TEX9: variants seen among roughly 807,000 people sequenced by gnomAD.
TEX9 encodes testis-expressed protein 9.
TEX9 carries 74 observed loss-of-function variants against 59.6 expected under a neutral mutation model. The ratio of observed to expected loss-of-function variants is 1.24; its 90% CI spans 1.03 to 1.51. The LOEUF is 1.51. Among genes scored for constraint, TEX9 ranks in the 40% most tolerant of loss-of-function variants. TEX9 has a pLI of 0.00. For synonymous variants in TEX9, 186 were observed against 152.2 expected (o/e 1.22, Z -1.64); for missense variants, 522 against 447.8 (o/e 1.17, Z -1.49).
At chr15:56,278,980 C>G (rs1227615104) in intron 1 of TEX9, among the ~76,000 whole-genome samples, 5 of 152,224 alleles carry the variant, frequency 3.3e-5, no homozygotes, top group African/African-American at 9.6e-5. Flanking sequence ...CTACATTACT[C>G]TAATGTCTTT....
chr15:56,257,093 C>G (rs2044161288), intron 1 of TEX9, among the ~76,000 whole-genome samples: 1 of 152,008 alleles, frequency 6.6e-6, no homozygotes, highest in African/African-American at 2.4e-5. Flanking sequence ...CCAGCTCCAT[C>G]CATGTCCCAG....
chr15:56,300,304 G>A (rs1407638670), intron 1 of TEX9, among the ~76,000 whole-genome samples: 1 of 151,910 alleles, frequency 6.6e-6, no homozygotes, highest in African/African-American at 2.4e-5. Context: ...GGAAGAGTGA[G>A]AAGGACATTG....
chr15:56,437,061 C>G (rs1207942116), intron 12 of TEX9, among the ~76,000 whole-genome samples: 1 of 152,144 alleles, frequency 6.6e-6, no homozygotes, highest in African/African-American at 2.4e-5. Context: ...TGAAACTATT[C>G]CAATCAATAG....
chr15:56,370,533 C>G (rs2047147477), intron 2 of TEX9, among the ~76,000 whole-genome samples: 1 of 152,112 alleles, frequency 6.6e-6, no homozygotes, highest in Non-Finnish European at 1.5e-5. Context: ...TTCTAGATGG[C>G]CAGCTTTTCC....
the TEX9 span, among the ~76,000 whole-genome samples, chr15:56,454,248 A>T: frequency 6.6e-6 from 1 of 152,178 alleles, no homozygotes; most frequent in Admixed American, 6.5e-5. Flanking sequence ...ATTTGTATAT[A>T]TTTATGGGGT....
intron 1 of TEX9, chr15:56,249,261 C>G (rs1468036688): frequency 1.3e-5 from 2 of 152,130 alleles, no homozygotes; most frequent in African/African-American, 4.8e-5. Flanking sequence ...CTGACAAGAG[C>G]TCTCTCTTAG....
chr15:56,302,215 C>T (rs1166491925), intron 1 of TEX9, among the ~76,000 whole-genome samples: 1 of 152,088 alleles, frequency 6.6e-6, no homozygotes, highest in East Asian at 1.9e-4. Context: ...AGTCTGGGCA[C>T]AGTGGCTCAT....
chr15:56,422,399 T>C (rs2050024853), intron 10 of TEX9, among the ~76,000 whole-genome samples: 1 of 151,796 alleles, frequency 6.6e-6, no homozygotes, highest in Non-Finnish European at 1.5e-5. Flanking sequence ...GCCCGTATGT[T>C]TTCTTTCCCT....
At chr15:56,279,706 ATAATT>A (rs1187396544) in intron 1 of TEX9, among the ~76,000 whole-genome samples, 3 of 152,230 alleles carry the variant, frequency 2.0e-5, no homozygotes, top group Non-Finnish European at 4.4e-5. Flanking sequence ...CCGTTGCACA[ATAATT>A]TAGAGTGACA....
At chr15:56,390,188 CA>C in intron 6 of TEX9, among the ~76,000 whole-genome samples, 2 of 151,536 alleles carry the variant, frequency 1.3e-5, no homozygotes, top group Non-Finnish European at 2.9e-5. Context: ...CACATACATG[CA>C]TATATAACTG....
chr15:56,364,884 A>G (rs1174124907), upstream of TEX9, among the ~76,000 whole-genome samples: 1 of 152,216 alleles, frequency 6.6e-6, no homozygotes, highest in Non-Finnish European at 1.5e-5. Context: ...AGTGGGCACT[A>G]TTCTCACTTC....
At chr15:56,428,241 G>C (rs1213317722) in intron 11 of TEX9, 126 bp from the exon 12 acceptor site, 1 of 656,304 alleles carries the variant, frequency 1.5e-6, no homozygotes, top group East Asian at 2.7e-5. Context: ...GGAATTAAGA[G>C]TATACATTCC....
chr15:56,440,012 C>A (rs2050792888), intron 12 of TEX9, among the ~76,000 whole-genome samples: 1 of 151,970 alleles, frequency 6.6e-6, no homozygotes, highest in Non-Finnish European at 1.5e-5. Context: ...TAACCACCCA[C>A]CTGACAAAGG....
At chr15:56,443,488 T>C in intron 12 of TEX9, 1 of 1,600,710 alleles carries the variant, frequency 6.2e-7, no homozygotes, top group South Asian at 1.2e-5. Flanking sequence ...TTGTCGCACT[T>C]GTTCCAAATC....
chr15:56,351,851 A>C (rs1812965255), intron 1 of TEX9, among the ~76,000 whole-genome samples: 1 of 152,202 alleles, frequency 6.6e-6, no homozygotes, highest in Admixed American at 6.5e-5. Context: ...AGAAAGTATC[A>C]AGTTGAGTTC....
intron 9 of TEX9, among the ~76,000 whole-genome samples, chr15:56,405,428 T>C (rs2049030592): frequency 6.6e-6 from 1 of 152,172 alleles, no homozygotes; most frequent in Admixed American, 6.6e-5. Flanking sequence ...CTGTGTTTTT[T>C]CAACAAATCA....
intron 1 of TEX9, among the ~76,000 whole-genome samples, chr15:56,251,446 C>G (rs2044014323): frequency 6.6e-6 from 1 of 152,126 alleles, no homozygotes; most frequent in Non-Finnish European, 1.5e-5. Context: ...TCCGGCTAGA[C>G]AGTGGCTTAT....
chr15:56,424,496 T>C (rs1439957506), intron 10 of TEX9, among the ~76,000 whole-genome samples: 1 of 152,144 alleles, frequency 6.6e-6, no homozygotes, highest in Non-Finnish European at 1.5e-5. Context: ...TTTAAAGTTT[T>C]TGGGAGGTCT....
chr15:56,344,628 C>T (rs549721379), intron 1 of TEX9, among the ~76,000 whole-genome samples: 109 of 152,106 alleles, frequency 7.2e-4, no homozygotes, highest in Non-Finnish European at 1.4e-3. Flanking sequence ...CAGAATTGTT[C>T]ACTTTAAATG....
Sources: allele counts gnomAD v4.1 joint callset (sites outside exome capture counted in the v4.1 genomes callset), GRCh38; gene constraint gnomAD v4.1.1; transcripts MANE v1.5; gene names NCBI Gene and HGNC (gene_info 2026-07-23, HGNC 2026-07-21).